The following EXOC6 variants were observed in gnomAD, a reference collection of about 807,000 sequenced individuals.
EXOC6 encodes exocyst complex component 6.
In EXOC6, 60 loss-of-function variants were observed where a neutral mutation model predicts 112.5. The observed-to-expected ratio is 0.53, with a 90% CI of 0.43 to 0.66. The LOEUF is 0.66. EXOC6 is among the 30% of genes least tolerant of loss of function. The pLI, the probability that EXOC6 is intolerant of heterozygous loss-of-function variation, is 0.00. For missense variants in EXOC6, 855 were observed against 957.1 expected, an observed-to-expected ratio of 0.89 and a Z score of 1.41; for synonymous variants, 295 against 308.0, an observed-to-expected ratio of 0.96 and a Z score of 0.44.
intron 19 of EXOC6, among the ~76,000 whole-genome samples, chr10:93,010,830 T>C (rs1225987904): frequency 6.6e-6 from 1 of 152,130 alleles, no homozygotes; most frequent in Non-Finnish European, 1.5e-5. Flanking sequence ...ATGCCCTATT[T>C]ACTCAAGTAA....
chr10:92,958,428 A>G (rs919892362), intron 17 of EXOC6, among the ~76,000 whole-genome samples: 1 of 152,194 alleles, frequency 6.6e-6, no homozygotes, highest in Non-Finnish European at 1.5e-5. Context: ...CCTGGCAGTA[A>G]TTGCAACTGT....
intron 5 of EXOC6, among the ~76,000 whole-genome samples, chr10:92,904,340 T>C (rs1850330941): frequency 6.6e-6 from 1 of 152,122 alleles, no homozygotes; most frequent in Non-Finnish European, 1.5e-5. Context: ...CTGGATCATA[T>C]GGTAAGACTA....
At chr10:92,982,151 T>C (rs1176339777) in intron 18 of EXOC6, among the ~76,000 whole-genome samples, 2 of 152,128 alleles carry the variant, frequency 1.3e-5, no homozygotes, top group Non-Finnish European at 2.9e-5. Flanking sequence ...ACATGATCTT[T>C]AGTAATAATA....
At chr10:92,944,089 T>C (rs899643023) in intron 13 of EXOC6, among the ~76,000 whole-genome samples, 1 of 152,184 alleles carries the variant, frequency 6.6e-6, no homozygotes, top group African/African-American at 2.4e-5. Flanking sequence ...TTTCCCTCTT[T>C]TATAGGGCTG....
chr10:92,938,041 A>T (rs1462603681), intron 12 of EXOC6, among the ~76,000 whole-genome samples: 1 of 152,142 alleles, frequency 6.6e-6, no homozygotes, highest in East Asian at 1.9e-4. Flanking sequence ...TAGCAGCATC[A>T]ATTTGTATTC....
At chr10:93,022,764 T>G (rs1185298351) in intron 20 of EXOC6, among the ~76,000 whole-genome samples, 1 of 152,024 alleles carries the variant, frequency 6.6e-6, no homozygotes, top group African/African-American at 2.4e-5. Context: ...TCTTGAAAAG[T>G]GAAGTCTCAC....
chr10:92,905,654 C>G (rs79861350), intron 5 of EXOC6, among the ~76,000 whole-genome samples: 1,717 of 151,974 alleles, frequency 0.011, 19 homozygotes, highest in Non-Finnish European at 0.017. Flanking sequence ...TTGCCTTGTT[C>G]TTAATCTCAT....
chr10:92,905,278 G>A (rs1041605521), intron 5 of EXOC6, among the ~76,000 whole-genome samples: 2 of 151,998 alleles, frequency 1.3e-5, no homozygotes, highest in African/African-American at 4.8e-5. Flanking sequence ...CTGTCTATAT[G>A]AACTTCAGAA....
chr10:92,975,880 C>A (rs1366143964), intron 18 of EXOC6, among the ~76,000 whole-genome samples: 1 of 133,442 alleles, frequency 7.5e-6, no homozygotes, highest in Non-Finnish European at 1.6e-5. Flanking sequence ...AAGTGAGGAG[C>A]CCCTCTGCCT....
At chr10:92,857,853 C>T (rs562532281) in intron 1 of EXOC6, among the ~76,000 whole-genome samples, 30 of 151,546 alleles carry the variant, frequency 2.0e-4, no homozygotes, top group Non-Finnish European at 2.9e-4. Context: ...CACTCTTAAT[C>T]GTGAGGAAAT....
At position 92,848,753 on chromosome 10, in the gene EXOC6, G is replaced by A; in HGVS notation, c.101+119G>A. 1.7e-5 allele frequency: 12 copies of A among 693,292 alleles called. 1 individual carries two copies. Among genetic ancestry groups the A allele is most frequent in the Middle Eastern group, 1.2e-3 (2 of 1,696 alleles). 42.9% of individuals were successfully genotyped at this position (693,292 alleles called of 1,614,324 possible). ...AAGCTCCCCGACAGGTGGTGCGCGC[G>A]GGGGCGGGCGGGGGCGCTCGCGGGT... On this transcript the variant is annotated intron_variant, in intron 1 of 21. Coordinates refer to ENST00000260762, the MANE Select transcript of EXOC6 (RefSeq NM_019053.6).
chr10:93,041,192 T>G (rs1243895276), intron 20 of EXOC6, among the ~76,000 whole-genome samples: 1 of 152,058 alleles, frequency 6.6e-6, no homozygotes, highest in Non-Finnish European at 1.5e-5. Context: ...TAAGTATTTC[T>G]CAAACCCATC....
At chr10:92,835,800 G>T (rs1335846531) in intron 1 of EXOC6, among the ~76,000 whole-genome samples, 3 of 152,246 alleles carry the variant, frequency 2.0e-5, no homozygotes, top group East Asian at 1.9e-4. Context: ...TTGATTCTTG[G>T]ATTATCAATA....
intron 1 of EXOC6, among the ~76,000 whole-genome samples, chr10:92,851,780 T>C (rs370746675): frequency 4.0e-5 from 6 of 151,286 alleles, no homozygotes; most frequent in East Asian, 2.0e-4. Flanking sequence ...TTAAGAAATA[T>C]TATGAATAGG....
chr10:92,872,239 C>T (rs1393392658), intron 1 of EXOC6, among the ~76,000 whole-genome samples: 2 of 152,040 alleles, frequency 1.3e-5, no homozygotes, highest in African/African-American at 4.8e-5. Flanking sequence ...TTTATTTCCC[C>T]TTTGATCCAA....
intron 1 of EXOC6, among the ~76,000 whole-genome samples, chr10:92,865,011 A>G (rs1848109676): frequency 6.6e-6 from 1 of 152,198 alleles, no homozygotes; most frequent in Admixed American, 6.5e-5. Flanking sequence ...CATTGCATTC[A>G]TCATTGCTGT....
intron 7 of EXOC6, among the ~76,000 whole-genome samples, chr10:92,916,354 A>G (rs1564827631): frequency 1.3e-5 from 2 of 152,240 alleles, no homozygotes; most frequent in Middle Eastern, 6.8e-3. Context: ...TACTAAAAAT[A>G]TAAAAATTAG....
intron 1 of EXOC6, among the ~76,000 whole-genome samples, chr10:92,891,026 G>A (rs1443993650): frequency 6.6e-6 from 1 of 152,222 alleles, no homozygotes; most frequent in Non-Finnish European, 1.5e-5. Context: ...ATCTACGCAA[G>A]ACATGTTGTT....
chr10:92,878,717 G>A (rs1243934566), intron 1 of EXOC6, among the ~76,000 whole-genome samples: 1 of 152,110 alleles, frequency 6.6e-6, no homozygotes, highest in African/African-American at 2.4e-5. Flanking sequence ...GGTGGGTGGC[G>A]GGGAGAGCCC....
Sources: allele counts gnomAD v4.1 joint callset (sites outside exome capture counted in the v4.1 genomes callset), GRCh38; gene constraint gnomAD v4.1.1; transcripts MANE v1.5; gene names NCBI Gene and HGNC (gene_info 2026-07-23, HGNC 2026-07-21).